PUF60: variants seen among roughly 807,000 people sequenced by gnomAD.
PUF60 encodes poly(U) binding splicing factor 60.
Under a neutral mutation model 61.8 loss-of-function variants are expected in PUF60, and 10 were observed. That is an observed-to-expected ratio of 0.16 (90% CI 0.10 to 0.27). The LOEUF (loss-of-function observed/expected upper bound fraction) is 0.27. Among genes scored for constraint, PUF60 ranks in the 10% least tolerant of loss-of-function variants. The pLI, the probability that PUF60 is intolerant of heterozygous loss-of-function variation, is 1.00. For missense variants in PUF60, 371 were observed against 754.0 expected (o/e 0.49, Z 5.95); for synonymous variants, 353 against 300.9 (o/e 1.17, Z -1.79).
intron 1 of PUF60, among the ~76,000 whole-genome samples, chr8:143,824,630 C>CT (rs1183572342): frequency 2.0e-5 from 3 of 152,252 alleles, no homozygotes; most frequent in African/African-American, 7.2e-5. Flanking sequence ...GGGCTGCCAG[C>CT]GAGTCCCAGC....
chr8:143,827,208 C>G (rs1817730981), intron 1 of PUF60: 2 of 356,950 alleles, frequency 5.6e-6, no homozygotes, highest in African/African-American at 2.1e-5. Flanking sequence ...TGGCTATGAG[C>G]TATGCCAGGC....
intron 5 of PUF60, among the ~76,000 whole-genome samples, chr8:143,820,051 G>A (rs1816836450): frequency 6.6e-6 from 1 of 152,204 alleles, no homozygotes; most frequent in Non-Finnish European, 1.5e-5. Context: ...TGCCTCTGGG[G>A]GAAGGGAGGG....
intron 1 of PUF60, among the ~76,000 whole-genome samples, chr8:143,828,438 C>G (rs1817890350): frequency 6.6e-6 from 1 of 152,242 alleles, no homozygotes; most frequent in Non-Finnish European, 1.5e-5. Context: ...AAGGAAAGAC[C>G]AGACTTCATC....
At chr8:143,821,568 G>C in intron 4 of PUF60, 29 bp downstream of exon 4, 1 of 1,522,178 alleles carries the variant, frequency 6.6e-7, no homozygotes, top group Non-Finnish European at 8.8e-7. Flanking sequence ...GTGGTGGGGA[G>C]GGCGGTAGAG....
rs753349490 is a variant in PUF60, at chr8:143,817,636, C to T, written c.964G>A (p.Ala322Thr). Residue 322 changes from alanine (A) to threonine (T), a missense_variant, in exon 9 of 12, where the codon GCT (alanine) becomes ACT (threonine). Physicochemically the swap from Ala to Thr is moderately conservative, Grantham distance 58. Coordinates refer to ENST00000526683, the MANE Select transcript of PUF60 (RefSeq NM_078480.3). The surrounding 1 kb of genome is among the most constrained non-coding windows in gnomAD (Gnocchi z 7.4). ...GTGGCTGCAGCAGCTGCCACAGCAG[C>T]GGCAGGTGGGAGGCCTCCAGGCGTG... ...PATPGGLPPA[A>T]AVAAAAATAK... 10 of 1,612,302 alleles carry T rather than the reference C, an allele frequency of 6.2e-6. No individual in the cohort carries two copies. Among genetic ancestry groups the T allele is most frequent in the Non-Finnish European group, 5.9e-6 (7 of 1,179,780 alleles).
rs757802140 is a variant in PUF60, at chr8:143,816,669, T to C, written c.1531A>G (p.Ile511Val). ...AACTCCACAAAGATCTTGACAATGA[T>C]TTCTGCATCCTCCTCCTCGCCTTGT... ...EKQGEEEDAE[I>V]IVKIFVEFSI... The change falls in exon 12 of 12, where the codon ATC becomes GTC. Residue 511 changes from isoleucine (I) to valine (V), a missense_variant. Transcript: ENST00000526683. The C allele has an allele frequency of 5.0e-6, 8 of 1,613,864 alleles. No individual in the cohort carries two copies. Among genetic ancestry groups the C allele is most frequent in the Non-Finnish European group, 5.9e-6 (7 of 1,179,858 alleles).
chr8:143,829,276 T>A lies in PUF60; in HGVS notation c.24+4A>T. On this transcript the variant is annotated splice_donor_region_variant and intron_variant, in intron 1 of 11. Transcript: ENST00000526683. The stretch of plus-strand genomic sequence containing the variant: ...CGCCCGCGCTCATGGGGGGGCTCAC[T>A]TACGAGAGCTATGGTCGCCGTCGCC... The A allele has an allele frequency of 7.9e-7, 1 of 1,264,244 alleles. No individual in the cohort carries two copies. Among genetic ancestry groups the A allele is most frequent in the African/African-American group, 1.5e-5 (1 of 64,962 alleles). 78.3% of individuals were successfully genotyped at this position (1,264,244 alleles called of 1,614,324 possible).
chr8:143,828,377 C>T (rs987674521), intron 1 of PUF60, among the ~76,000 whole-genome samples: 4 of 152,308 alleles, frequency 2.6e-5, no homozygotes, highest in East Asian at 1.9e-4. Flanking sequence ...GGGTAAACTG[C>T]GGCTGAGAAA....
At chr8:143,828,460 G>A (rs765279193) in intron 1 of PUF60, among the ~76,000 whole-genome samples, 11 of 152,242 alleles carry the variant, frequency 7.2e-5, no homozygotes, top group Non-Finnish European at 1.3e-4. Context: ...TGCATGTGTT[G>A]TGTGCATGGG....
chr8:143,818,347 G>A lies in PUF60; in HGVS notation c.510+26C>T, dbSNP rs922535228. On this transcript the variant is annotated intron_variant, in intron 6 of 11. Coordinates refer to ENST00000526683, the MANE Select transcript of PUF60 (RefSeq NM_078480.3). The surrounding 1 kb of genome is among the most constrained non-coding windows in gnomAD (Gnocchi z 7.9). ...CCAGGGGTGGGGGCGAGCCCGAAGT[G>A]GCCGGGGCGGACCAAGCCTGCTGAC... 3.7e-6 allele frequency: 6 copies of A among 1,611,022 alleles called. No homozygotes were observed. Among genetic ancestry groups the A allele is most frequent in the Admixed American group, 3.3e-5 (2 of 59,938 alleles).
chr8:143,829,026 G>A (rs1176809584), intron 1 of PUF60: 3 of 1,000,074 alleles, frequency 3.0e-6, no homozygotes, highest in Non-Finnish European at 3.6e-6. Context: ...GCCCGCAAGG[G>A]CCACACGCCG....
Position 143,816,972 on chromosome 8 carries a change from T to G in PUF60, c.1318A>C (p.Met440Leu). The stretch of plus-strand genomic sequence containing the variant: ...CGGGCGCTACTGCCCGAGATGCTCA[T>G]GTGCTCCTGCTCGCTCAGCATCTCT... ...RPEMLSEQEH[M>L]SISGSSARHM... Residue 440 changes from methionine to leucine, a missense_variant, in exon 11 of 12, where the codon ATG becomes CTG. Coordinates refer to ENST00000526683, the MANE Select transcript of PUF60 (RefSeq NM_078480.3). The G allele has an allele frequency of 6.2e-7, 1 of 1,601,636 alleles. No individual in the cohort carries two copies. The highest frequency in any genetic ancestry group is 8.5e-7 in the Non-Finnish European group (1 of 1,174,566).
In PUF60 at chr8:143,816,905, C is replaced by A. The variant is rs371672372; in HGVS notation, c.1380+5G>T. On this transcript the variant is annotated splice_donor_5th_base_variant and intron_variant, in intron 11 of 11. Coordinates refer to ENST00000526683, the MANE Select transcript of PUF60 (RefSeq NM_078480.3). Reference sequence around the variant, plus strand: ...CCCCCGCCACCACCCTGCCCCTCTGCCTACCTCCTGCTTGCGGAGCAGCTT... The same window carrying A: ...CCCCCGCCACCACCCTGCCCCTCTGACTACCTCCTGCTTGCGGAGCAGCTT... 4 of 1,545,714 alleles carry A rather than the reference C, an allele frequency of 2.6e-6. No homozygotes were observed. The South Asian group carries it at 4.7e-5, about 18-fold the overall frequency.
chr8:143,829,052 C>T (rs1817994612), intron 1 of PUF60: 29 of 1,018,798 alleles, frequency 2.8e-5, no homozygotes, highest in Non-Finnish European at 3.4e-5. Flanking sequence ...AGGCCCCCGC[C>T]CCGCCCCGCC....
At chr8:143,821,246 GC>G (rs1816980808) in intron 4 of PUF60, 1 of 481,668 alleles carries the variant, frequency 2.1e-6, no homozygotes. Context: ...GGGCAGGGAG[GC>G]CCACGCCCTG....
In PUF60 at chr8:143,829,295, C is replaced by G. The variant is rs1554649181; in HGVS notation, c.9G>C (p.Thr3=). 7.9e-7 allele frequency: 1 copy of G among 1,266,842 alleles called. No individual in the cohort carries two copies. Among genetic ancestry groups the G allele is most frequent in the East Asian group, 3.1e-5 (1 of 31,812 alleles). 78.5% of individuals were successfully genotyped at this position (1,266,842 alleles called of 1,614,324 possible). Residue 3 remains threonine (T), a synonymous_variant, in exon 1 of 12, where the codon ACG becomes ACC. Coordinates refer to ENST00000526683, the MANE Select transcript of PUF60 (RefSeq NM_078480.3). MA[T]ATIALQVNGQ... Reference sequence around the variant, plus strand: ...GCTCACTTACGAGAGCTATGGTCGCCGTCGCCATCTTGCGTCCGTCGCGGC... The same window carrying G: ...GCTCACTTACGAGAGCTATGGTCGCGGTCGCCATCTTGCGTCCGTCGCGGC...
chr8:143,818,472 G>A lies in PUF60; in HGVS notation c.411C>T (p.Tyr137=), dbSNP rs1401457509. 15 of 1,610,816 alleles carry A rather than the reference G, an allele frequency of 9.3e-6. No individual in the cohort carries two copies. Among genetic ancestry groups the A allele is most frequent in the East Asian group, 4.5e-5 (2 of 44,848 alleles). ...GGATGGTGTCCTCCCCCAGCTCATA[G>A]TAGATAGAGCCCACGTAGACGCGGC... ...IMCRVYVGSI[Y]YELGEDTIRQ... The change falls in exon 6 of 12, where the codon TAC becomes TAT. Residue 137 remains tyrosine, a synonymous_variant. Transcript: ENST00000526683. The surrounding 1 kb of genome is among the most constrained non-coding windows in gnomAD (Gnocchi z 7.9).
rs530014312 is a variant in PUF60, at chr8:143,817,172, A to G, written c.1145-27T>C. ...TGCAGGAAAACCAACCAGGTCCATC[A>G]GTCACTCCCTACCACCCCCCTTCCC... On this transcript the variant is annotated intron_variant, in intron 10 of 11. Transcript: ENST00000526683. This position sits in a 1 kb window ranked among gnomAD's most constrained non-coding sequence, Gnocchi z 7.4. 5 of 1,560,878 alleles carry G rather than the reference A, an allele frequency of 3.2e-6. No homozygotes were observed. The highest frequency in any genetic ancestry group is 1.7e-4 in the Middle Eastern group (1 of 5,870).
At chr8:143,819,753 G>T (rs1024208488) in intron 5 of PUF60, among the ~76,000 whole-genome samples, 1 of 151,836 alleles carries the variant, frequency 6.6e-6, no homozygotes, top group Non-Finnish European at 1.5e-5. Context: ...TCACTCAGCA[G>T]GCTCCCCAGA....
Sources: gnomAD v4.1 joint callset for allele counts (sites outside exome capture counted in the v4.1 genomes callset) on GRCh38, gnomAD v4.1.1 for gene constraint, Gnocchi (gnomAD v3.1) non-coding constraint, MANE v1.5 for transcripts, NCBI Gene and HGNC (gene_info 2026-07-23, HGNC 2026-07-21) for gene names.